Variants in LURAP1L observed in about 807,000 individuals in gnomAD.
LURAP1L encodes the protein leucine rich adaptor protein 1-like.
In LURAP1L, 12 loss-of-function variants were observed where a neutral mutation model predicts 13.8. That is an observed-to-expected ratio of 0.87 (90% confidence interval 0.56 to 1.41). The LOEUF (loss-of-function observed/expected upper bound fraction) is 1.41, where lower values mean the gene tolerates loss of function less well. Ranked by LOEUF, LURAP1L falls within the 40% of genes most tolerant of loss-of-function variation. LURAP1L has a pLI of 0.00. For missense variants in LURAP1L, 375 were observed against 292.9 expected (o/e 1.28, Z -2.04); for synonymous variants, 139 against 119.2 (o/e 1.17, Z -1.08).
At chr9:12,786,629 A>G (rs1225606497) in intron 1 of LURAP1L, among the ~76,000 whole-genome samples, 1 of 140,652 alleles carries the variant, frequency 7.1e-6, no homozygotes, top group Non-Finnish European at 1.5e-5. Flanking sequence ...TCTTAGATTT[A>G]CTTATGGTAA....
intron 1 of LURAP1L, among the ~76,000 whole-genome samples, chr9:12,783,845 T>C (rs1819310212): frequency 6.6e-6 from 1 of 150,556 alleles, no homozygotes; most frequent in African/African-American, 2.4e-5. Context: ...TTTTTTTTAA[T>C]AATTTTGCAT....
At chr9:12,795,156 C>A (rs555168435) in intron 1 of LURAP1L, among the ~76,000 whole-genome samples, 5 of 151,898 alleles carry the variant, frequency 3.3e-5, no homozygotes, top group Admixed American at 6.6e-5. Context: ...TGCATTCTTG[C>A]CCCTTAACAT....
chr9:12,782,634 A>C (rs1819288916), intron 1 of LURAP1L, among the ~76,000 whole-genome samples: 1 of 152,124 alleles, frequency 6.6e-6, no homozygotes, highest in Admixed American at 6.5e-5. Flanking sequence ...TGTTTTGGTT[A>C]CTATAACTCT....
Position 12,821,767 on chromosome 9 carries a change from T to C in LURAP1L, c.*7T>C, listed in dbSNP as rs765189272. 8.2e-5 allele frequency: 132 copies of C among 1,605,570 alleles called. No homozygotes were observed. Among genetic ancestry groups the C allele is most frequent in the Non-Finnish European group, 1.1e-4 (130 of 1,173,556 alleles). ...ATACTACTGCTTTGGCTAGTGACAG[T>C]TTTTTGCATGGGACTGGTGTGCAAT... On this transcript the variant is annotated 3_prime_UTR_variant, in exon 2 of 2. Transcript: ENST00000319264.
At position 12,775,838 on chromosome 9, in the gene LURAP1L, C is replaced by A. The variant is rs762776237; in HGVS notation, c.123C>A (p.Asp41Glu). Residue 41 changes from aspartate to glutamate, a missense_variant, in exon 1 of 2, where the codon GAC becomes GAA. Coordinates refer to ENST00000319264, the MANE Select transcript of LURAP1L (RefSeq NM_203403.2). ...CGGTTCCCAGGGAAAGGGACAGGGA[C>A]CCCTGCGGGGGGAGCGGTGGTGGTG... ...EEPVPRERDR[D>E]PCGGSGGGGG... is the part of the protein sequence containing the mutation. 6.9e-6 allele frequency: 11 copies of A among 1,600,592 alleles called. No homozygotes were observed. The East Asian group carries it at 1.4e-4, about 20-fold the overall frequency.
intron 1 of LURAP1L, among the ~76,000 whole-genome samples, chr9:12,807,124 G>A (rs896246773): frequency 1.6e-5 from 2 of 125,432 alleles, no homozygotes; most frequent in African/African-American, 5.8e-5. Context: ...TATATTAGCC[G>A]GGCGTGGTGG....
chr9:12,782,303 A>G (rs1819284161), intron 1 of LURAP1L, among the ~76,000 whole-genome samples: 1 of 152,160 alleles, frequency 6.6e-6, no homozygotes, highest in Non-Finnish European at 1.5e-5. Context: ...GCCTATGCTT[A>G]TGGGATATTC....
In LURAP1L at chr9:12,777,605, G is replaced by A. The variant is rs1819207553; in HGVS notation, c.312+1578G>A. On this transcript the variant is annotated intron_variant, in intron 1 of 1. Transcript: ENST00000319264. ...TTTCTTTCTCAGTAGCTCACTGATA[G>A]CACATCAAAGATAATACTGTCATTT... The A allele has an allele frequency of 8.4e-6, 8 of 956,046 alleles. No homozygotes were observed. The South Asian group carries it at 3.9e-4, about 46-fold the overall frequency. 59.2% of individuals were successfully genotyped at this position (956,046 alleles called of 1,614,324 possible). A position where few individuals can be genotyped will look rare whatever the true frequency, so the allele number is the denominator to read the frequency against.
intron 1 of LURAP1L, among the ~76,000 whole-genome samples, chr9:12,817,436 A>G (rs918142211): frequency 3.9e-5 from 6 of 152,224 alleles, no homozygotes; most frequent in Non-Finnish European, 7.3e-5. Flanking sequence ...CATGGGGGGA[A>G]GAGAAAATAA....
intron 1 of LURAP1L, chr9:12,777,735 G>A: frequency 4.1e-6 from 1 of 242,560 alleles, no homozygotes. Flanking sequence ...TGATTGGTAT[G>A]TATGTGAAGA....
chr9:12,818,911 T>C (rs1418734060), intron 1 of LURAP1L, among the ~76,000 whole-genome samples: 1 of 152,178 alleles, frequency 6.6e-6, no homozygotes, highest in Non-Finnish European at 1.5e-5. Context: ...CTGAATGATT[T>C]TGCAAAAGTT....
chr9:12,776,428 C>G (rs1005033560), intron 1 of LURAP1L, among the ~76,000 whole-genome samples: 2 of 152,156 alleles, frequency 1.3e-5, no homozygotes, highest in Admixed American at 1.3e-4. Flanking sequence ...CAAAAGGTGG[C>G]TCAGTCCAAT....
chr9:12,821,082 A>C (rs1167814234), intron 1 of LURAP1L, among the ~76,000 whole-genome samples: 1 of 152,114 alleles, frequency 6.6e-6, no homozygotes, highest in African/African-American at 2.4e-5. Context: ...AGAGAAAATA[A>C]ATTTTGTAGT....
At chr9:12,786,575 T>TATAC (rs1554657254) in intron 1 of LURAP1L, among the ~76,000 whole-genome samples, 1 of 128,694 alleles carries the variant, frequency 7.8e-6, no homozygotes, top group Non-Finnish European at 1.7e-5. Context: ...TATATATATA[T>TATAC]ATATATAAAC....
At chr9:12,785,782 C>T (rs1368101307) in intron 1 of LURAP1L, among the ~76,000 whole-genome samples, 1 of 152,060 alleles carries the variant, frequency 6.6e-6, no homozygotes, top group East Asian at 1.9e-4. Flanking sequence ...TCTTTTCTGC[C>T]CTCTTCAGTG....
chr9:12,786,547 C>CATATATATAT (rs67654649), intron 1 of LURAP1L, among the ~76,000 whole-genome samples: 4,950 of 52,692 alleles, frequency 0.094, 516 homozygotes, highest in African/African-American at 0.12. Context: ...ATATATATGA[C>CATATATATAT]ATATATATAT....
intron 1 of LURAP1L, among the ~76,000 whole-genome samples, chr9:12,820,279 C>A (rs1344531032): frequency 6.6e-6 from 1 of 151,870 alleles, no homozygotes; most frequent in Non-Finnish European, 1.5e-5. Flanking sequence ...CCGAGGCGGG[C>A]GGATCACGCG....
At chr9:12,784,539 A>C (rs1363351970) in intron 1 of LURAP1L, among the ~76,000 whole-genome samples, 1 of 152,192 alleles carries the variant, frequency 6.6e-6, no homozygotes, top group Non-Finnish European at 1.5e-5. Flanking sequence ...CTTTACCCCA[A>C]ACAAACAAGT....
At chr9:12,776,719 G>A (rs1204280759) in intron 1 of LURAP1L, among the ~76,000 whole-genome samples, 1 of 152,038 alleles carries the variant, frequency 6.6e-6, no homozygotes, top group Non-Finnish European at 1.5e-5. Context: ...ATCTGCTAAG[G>A]ACCATCTCCC....
Sources: allele counts gnomAD v4.1 joint callset (sites outside exome capture counted in the v4.1 genomes callset), GRCh38; gene constraint gnomAD v4.1.1; transcripts MANE v1.5; gene names NCBI Gene and HGNC (gene_info 2026-07-23, HGNC 2026-07-21).